DTNA: variants seen among roughly 807,000 people sequenced by gnomAD.
DTNA encodes the protein dystrobrevin alpha, also known as dystrophin-related protein 3.
Under a neutral mutation model 100.7 loss-of-function variants are expected in DTNA, and 43 were observed. The ratio of observed to expected loss-of-function variants is 0.43; its 90% CI spans 0.33 to 0.55. DTNA has a LOEUF of 0.55. Ranked by LOEUF, DTNA falls within the 20% of genes least tolerant of loss-of-function variation. The pLI, the probability that DTNA is intolerant of heterozygous loss-of-function variation, is 0.04. For synonymous variants in DTNA, 349 were observed against 347.9 expected (o/e 1.00, Z -0.04); for missense variants, 798 against 953.9 (o/e 0.84, Z 2.15).
chr18:34,613,857 T>G (rs2054706481), intron 1 of DTNA, among the ~76,000 whole-genome samples: 1 of 152,234 alleles, frequency 6.6e-6, no homozygotes, highest in African/African-American at 2.4e-5. Flanking sequence ...AAGATCTAGC[T>G]AAGAAGACTG....
rs376646023 is a variant in DTNA, at chr18:34,541,109, A to G, written c.-2+47595A>G. On this transcript the variant is annotated intron_variant, in intron 1 of 19. Coordinates refer to the DTNA transcript ENST00000283365. The stretch of plus-strand genomic sequence containing the variant: ...CACAATGGGACTTTAAAGGCACTGT[A>G]AAATGTTAATCCTTTTTCTATCTCA... Among the ~76,000 whole-genome samples, 11 of 152,190 alleles carry G rather than the reference A, an allele frequency of 7.2e-5. No homozygotes were observed. The South Asian group carries it at 1.0e-3, about 14-fold the overall frequency.
intron 1 of DTNA, among the ~76,000 whole-genome samples, chr18:34,611,383 C>A (rs574858507): frequency 6.6e-6 from 1 of 152,158 alleles, no homozygotes. Flanking sequence ...TGATTAAATC[C>A]TGGTCTCAGA....
At chr18:34,866,628 G>T in intron 17 of DTNA, 2 of 1,010,406 alleles carry the variant, frequency 2.0e-6, no homozygotes, top group Non-Finnish European at 2.4e-6. Flanking sequence ...TAAAAATCAG[G>T]CAATTAAATC....
intron 1 of DTNA, among the ~76,000 whole-genome samples, chr18:34,581,683 T>C (rs970678972): frequency 1.5e-4 from 22 of 148,760 alleles, no homozygotes; most frequent in African/African-American, 5.3e-4. Context: ...TGCAGTGGCA[T>C]GATCTCGGCT....
intron 19 of DTNA, among the ~76,000 whole-genome samples, chr18:34,878,021 G>C (rs2096835658): frequency 1.3e-5 from 2 of 151,984 alleles, no homozygotes; most frequent in Admixed American, 6.6e-5. Context: ...TTGCCCGGCT[G>C]AAGTACAGTG....
intron 14 of DTNA, 120 bp from the exon 15 acceptor site, chr18:34,851,711 T>G (rs1366936390): frequency 8.8e-7 from 1 of 1,139,626 alleles, no homozygotes; most frequent in Non-Finnish European, 1.3e-6. Context: ...TGTATTTGCT[T>G]TCTTTGTTTT....
At chr18:34,867,799 C>CA (rs545109067) in intron 17 of DTNA, 268 of 985,384 alleles carry the variant, frequency 2.7e-4, no homozygotes, top group Non-Finnish European at 3.0e-4. Context: ...AAGGTGGCGC[C>CA]ACTGCCCCCT....
intron 1 of DTNA, among the ~76,000 whole-genome samples, chr18:34,712,374 A>C: frequency 6.6e-6 from 1 of 152,070 alleles, no homozygotes; most frequent in Non-Finnish European, 1.5e-5. Flanking sequence ...AAGTATAGAT[A>C]GTTCCTTTCT....
intron 11 of DTNA, among the ~76,000 whole-genome samples, chr18:34,836,647 CAAAA>C (rs749690995): frequency 5.8e-5 from 3 of 51,670 alleles, no homozygotes; most frequent in Non-Finnish European, 4.4e-5. Context: ...GACTCTGTCT[CAAAA>C]AAAAAAAAAA....
intron 3 of DTNA, among the ~76,000 whole-genome samples, chr18:34,770,065 T>G (rs925869728): frequency 1.3e-5 from 2 of 152,068 alleles, no homozygotes; most frequent in African/African-American, 4.8e-5. Context: ...ATGAAAGTTC[T>G]GCCCTCAAGT....
chr18:34,620,620 A>G (rs2056300412), intron 1 of DTNA, among the ~76,000 whole-genome samples: 1 of 152,170 alleles, frequency 6.6e-6, no homozygotes, highest in South Asian at 2.1e-4. Context: ...CAGGAAACTT[A>G]CTATTATGTT....
intron 4 of DTNA, among the ~76,000 whole-genome samples, chr18:34,801,973 C>A (rs902211565): frequency 6.6e-6 from 1 of 152,290 alleles, no homozygotes; most frequent in East Asian, 1.9e-4. Context: ...AGGCTGATCC[C>A]GCCCCTAAAA....
At chr18:34,736,029 A>G (rs1399439145) in intron 1 of DTNA, among the ~76,000 whole-genome samples, 1 of 152,288 alleles carries the variant, frequency 6.6e-6, no homozygotes, top group South Asian at 2.1e-4. Context: ...ATTGAAGCCA[A>G]TAGTGTTCGA....
intron 1 of DTNA, among the ~76,000 whole-genome samples, chr18:34,587,307 GA>G (rs934503967): frequency 6.6e-6 from 1 of 152,116 alleles, no homozygotes; most frequent in Non-Finnish European, 1.5e-5. Context: ...CTAACTTGGT[GA>G]GTTTAATTTA....
chr18:34,628,551 G>A (rs2057652230), intron 1 of DTNA, among the ~76,000 whole-genome samples: 1 of 152,200 alleles, frequency 6.6e-6, no homozygotes, highest in South Asian at 2.1e-4. Flanking sequence ...CATTGATCCA[G>A]ATAAATCTTG....
intron 1 of DTNA, among the ~76,000 whole-genome samples, chr18:34,542,978 T>A (rs1055811792): frequency 1.3e-5 from 2 of 152,076 alleles, no homozygotes; most frequent in Admixed American, 1.3e-4. Flanking sequence ...GCTGCAGACC[T>A]GAGTTAGAGA....
chr18:34,692,421 C>T (rs1363973304), intron 1 of DTNA, among the ~76,000 whole-genome samples: 1 of 152,168 alleles, frequency 6.6e-6, no homozygotes, highest in Non-Finnish European at 1.5e-5. Flanking sequence ...AATAGCTTAG[C>T]TAACTTGCCA....
At chr18:34,735,819 T>G (rs2089452939) in intron 1 of DTNA, among the ~76,000 whole-genome samples, 1 of 152,172 alleles carries the variant, frequency 6.6e-6, no homozygotes, top group African/African-American at 2.4e-5. Flanking sequence ...TTAGCTACTT[T>G]TCCTAATGCT....
intron 1 of DTNA, among the ~76,000 whole-genome samples, chr18:34,671,492 A>G (rs1199608921): frequency 1.3e-5 from 2 of 152,098 alleles, no homozygotes; most frequent in African/African-American, 4.8e-5. Context: ...TCACGCTGGG[A>G]GCTGTAGACT....
Sources: allele counts gnomAD v4.1 joint callset (sites outside exome capture counted in the v4.1 genomes callset), GRCh38; gene constraint gnomAD v4.1.1; transcripts MANE v1.5; gene names NCBI Gene and HGNC (gene_info 2026-07-23, HGNC 2026-07-21).